GRB14: variants seen among roughly 807,000 people sequenced by gnomAD.
The protein encoded by GRB14 is growth factor receptor-bound protein 14.
In GRB14, 38 loss-of-function variants were observed where a neutral mutation model predicts 69.1. The observed-to-expected ratio is 0.55, with a 90% CI of 0.42 to 0.72. The LOEUF (loss-of-function observed/expected upper bound fraction) is 0.72, where lower values mean the gene tolerates loss of function less well. Ranked by LOEUF, GRB14 falls within the 30% of genes least tolerant of loss-of-function variation. The pLI is 0.00. For synonymous variants in GRB14, 247 were observed against 241.3 expected, an observed-to-expected ratio of 1.02 and a Z score of -0.22; for missense variants, 666 against 666.1, an observed-to-expected ratio of 1.00 and a Z score of 0.00.
chr2:164,606,529 T>C (rs1018841987), intron 2 of GRB14, among the ~76,000 whole-genome samples: 13 of 152,174 alleles, frequency 8.5e-5, no homozygotes, highest in African/African-American at 2.9e-4. Flanking sequence ...CTTTAAATAT[T>C]TAGTCATTTT....
At chr2:164,494,010 ATC>A (rs1574236460) in intron 13 of GRB14, among the ~76,000 whole-genome samples, 1 of 152,178 alleles carries the variant, frequency 6.6e-6, no homozygotes, top group Non-Finnish European at 1.5e-5. Flanking sequence ...GTTCCATAGA[ATC>A]TCTGTTTCTA....
chr2:164,557,704 T>C (rs1159431589), intron 2 of GRB14, among the ~76,000 whole-genome samples: 1 of 152,124 alleles, frequency 6.6e-6, no homozygotes, highest in Non-Finnish European at 1.5e-5. Context: ...ATCTTTGAGG[T>C]ATAGCTCTTA....
At chr2:164,592,426 G>GC (rs1224612701) in intron 2 of GRB14, among the ~76,000 whole-genome samples, 1 of 152,152 alleles carries the variant, frequency 6.6e-6, no homozygotes, top group Admixed American at 6.5e-5. Context: ...GAGCCACCAT[G>GC]CCCAGCGAGT....
chr2:164,499,391 C>G (rs2105257629), intron 9 of GRB14, among the ~76,000 whole-genome samples: 1 of 152,196 alleles, frequency 6.6e-6, no homozygotes, highest in Admixed American at 6.6e-5. Flanking sequence ...CAAATGTCTT[C>G]TACTGAATGG....
intron 6 of GRB14, among the ~76,000 whole-genome samples, chr2:164,517,211 T>C (rs1435849390): frequency 6.6e-6 from 1 of 152,060 alleles, no homozygotes; most frequent in Non-Finnish European, 1.5e-5. Context: ...GAAACTCCCC[T>C]TTATAAAACC....
chr2:164,527,073 C>T lies in GRB14; in HGVS notation c.544G>A (p.Glu182Lys). 8.2e-6 allele frequency: 13 copies of T among 1,588,172 alleles called. No individual in the cohort carries two copies. Among genetic ancestry groups the T allele is most frequent in the Non-Finnish European group, 1.1e-5 (13 of 1,159,500 alleles). Residue 182 changes from glutamate to lysine, a missense_variant, in exon 4 of 14, where the codon GAA (glutamate) becomes AAA (lysine). By Grantham distance (56) the Glu-to-Lys change is moderately conservative (BLOSUM62 1). Transcript: ENST00000263915. ...EVLSNWGIEE[E>K]NKLYFRKNYA... ...TTTTTTCTAAAGTATAGTTTGTTTT[C>T]TTCTTCTATCCCCCAGTTGGATAGC...
intron 2 of GRB14, among the ~76,000 whole-genome samples, chr2:164,603,385 C>T (rs1001279489): frequency 6.6e-5 from 10 of 151,964 alleles, no homozygotes; most frequent in African/African-American, 1.7e-4. Context: ...TACATGAGGC[C>T]GGGTGCGGTG....
intron 3 of GRB14, among the ~76,000 whole-genome samples, chr2:164,547,434 C>G (rs1452425002): frequency 6.6e-6 from 1 of 151,994 alleles, no homozygotes; most frequent in African/African-American, 2.4e-5. Flanking sequence ...ATTAGAGGCT[C>G]TCAACAGCAG....
chr2:164,554,846 T>C (rs1688638424), intron 2 of GRB14, among the ~76,000 whole-genome samples: 1 of 151,726 alleles, frequency 6.6e-6, no homozygotes, highest in Non-Finnish European at 1.5e-5. Context: ...AGGAAAGAGA[T>C]TAAAAAAACT....
At chr2:164,552,874 T>G (rs1328401796) in intron 2 of GRB14, among the ~76,000 whole-genome samples, 1 of 152,154 alleles carries the variant, frequency 6.6e-6, no homozygotes, top group Non-Finnish European at 1.5e-5. Flanking sequence ...TCGTGGGTGC[T>G]TCTGCCAAAG....
intron 2 of GRB14, among the ~76,000 whole-genome samples, chr2:164,576,554 T>C (rs1231991965): frequency 3.3e-5 from 5 of 151,888 alleles, no homozygotes; most frequent in Admixed American, 3.3e-4. Flanking sequence ...CTGAAAATTT[T>C]AAGACTCTTC....
intron 2 of GRB14, among the ~76,000 whole-genome samples, chr2:164,560,306 G>T (rs1356856036): frequency 1.3e-5 from 2 of 152,120 alleles, no homozygotes; most frequent in Non-Finnish European, 2.9e-5. Flanking sequence ...GTCAAAAAAA[G>T]ACTATTTTTC....
At chr2:164,493,645 CT>C (rs916061017) in intron 13 of GRB14, among the ~76,000 whole-genome samples, 1 of 151,954 alleles carries the variant, frequency 6.6e-6, no homozygotes, top group Non-Finnish European at 1.5e-5. Flanking sequence ...TGTCAGTTTT[CT>C]TTTTTTTAAA....
In GRB14 at chr2:164,494,524, T is replaced by A; in HGVS notation, c.1383A>T (p.Gly461=). 1 of 1,467,388 alleles carries A rather than the reference T, an allele frequency of 6.8e-7. No individual in the cohort carries two copies. The highest frequency in any genetic ancestry group is 9.6e-7 in the Non-Finnish European group (1 of 1,046,526). 90.9% of individuals were successfully genotyped at this position (1,467,388 alleles called of 1,614,324 possible). A position where few individuals can be genotyped will look rare whatever the true frequency, so the allele number is the denominator to read the frequency against. ...TCTGACTATCCCGTACCAAGAAAAC[T>A]CTAAAGAGAGAGAAGGAATTTCAAT... is the stretch of plus-strand genomic sequence containing the variant. ...RLIIQQGLVD[G]VFLVRDSQSN... Residue 461 remains glycine (G), a splice_region_variant and synonymous_variant, in exon 13 of 14, where the codon GGA becomes GGT. Coordinates refer to ENST00000263915, the MANE Select transcript of GRB14 (RefSeq NM_004490.3).
intron 9 of GRB14, among the ~76,000 whole-genome samples, chr2:164,501,921 T>C (rs1256029604): frequency 6.6e-6 from 1 of 151,956 alleles, no homozygotes; most frequent in Non-Finnish European, 1.5e-5. Flanking sequence ...AAGGAATATG[T>C]TCTATAAATT....
chr2:164,560,775 C>A (rs950958133), intron 2 of GRB14, among the ~76,000 whole-genome samples: 3 of 152,218 alleles, frequency 2.0e-5, no homozygotes, highest in Admixed American at 2.0e-4. Context: ...TTTTCCCAAA[C>A]AAAGCCTGAA....
At chr2:164,508,962 A>C in intron 6 of GRB14, 110 bp from the exon 7 acceptor site, 4 of 527,796 alleles carry the variant, frequency 7.6e-6, no homozygotes, top group Middle Eastern at 1.0e-3. Flanking sequence ...ACAGAAGTTC[A>C]ATATGATGCC....
chr2:164,576,357 T>C (rs1013647123), intron 2 of GRB14, among the ~76,000 whole-genome samples: 1 of 149,478 alleles, frequency 6.7e-6, no homozygotes, highest in East Asian at 1.9e-4. Context: ...TTGCCATATA[T>C]TTAACTTTAA....
chr2:164,546,499 T>C (rs539939451), intron 3 of GRB14, among the ~76,000 whole-genome samples: 29 of 152,148 alleles, frequency 1.9e-4, no homozygotes, highest in African/African-American at 7.0e-4. Flanking sequence ...AACTCAAATA[T>C]GAAGATGAGG....
Sources: gnomAD v4.1 joint callset for allele counts (sites outside exome capture counted in the v4.1 genomes callset) on GRCh38, gnomAD v4.1.1 for gene constraint, MANE v1.5 for transcripts, NCBI Gene and HGNC (gene_info 2026-07-23, HGNC 2026-07-21) for gene names.